The following MIA2 variants were observed in gnomAD, a reference collection of about 807,000 sequenced individuals.
MIA2 encodes the protein melanoma inhibitory activity protein 2.
Under a neutral mutation model 167.8 loss-of-function variants are expected in MIA2, and 127 were observed. The observed-to-expected ratio is 0.76, with a 90% CI of 0.66 to 0.88. The LOEUF is 0.88. MIA2 is among the 40% of genes least tolerant of loss of function. The pLI is 0.00. For synonymous variants in MIA2, 552 were observed against 541.9 expected (o/e 1.02, Z -0.26); for missense variants, 1,690 against 1,624.7 (o/e 1.04, Z -0.69).
chr14:39,295,532 C>T (rs1595207878), intron 13 of MIA2, among the ~76,000 whole-genome samples: 1 of 152,072 alleles, frequency 6.6e-6, no homozygotes, highest in Non-Finnish European at 1.5e-5. Context: ...ATATTACTCA[C>T]ACCAGAGCCA....
intron 4 of MIA2, among the ~76,000 whole-genome samples, chr14:39,248,628 A>T (rs980617822): frequency 6.6e-6 from 1 of 152,036 alleles, no homozygotes; most frequent in Non-Finnish European, 1.5e-5. Flanking sequence ...ATGTCTATTG[A>T]TTTCCTATTC....
At chr14:39,246,247 C>T (rs8023093) in intron 3 of MIA2, among the ~76,000 whole-genome samples, 1,770 of 152,098 alleles carry the variant, frequency 0.012, 39 homozygotes, top group African/African-American at 0.041. Context: ...CAGGCGCCCA[C>T]CACCATGCCT....
rs1450547567 is a variant in MIA2 at position 39,277,694 on chromosome 14, A to ATATATATATATATATATATATGTGTG, written c.2019+651_2019+676dup. 1.9e-3 allele frequency among the ~76,000 whole-genome samples: 15 copies of ATATATATATATATATATATATGTGTG among 7,748 alleles called. 2 individuals are homozygous for ATATATATATATATATATATATGTGTG. Among genetic ancestry groups the ATATATATATATATATATATATGTGTG allele is most frequent in the South Asian group, 0.012 (3 of 258 alleles). 5.1% of individuals were successfully genotyped at this position (7,748 alleles called of 152,430 possible). ...CTTTTATATATATATATATGTGTGT[A>ATATATATATATATATATATATGTGTG]TATATATATATATATATATATGTGT... is the stretch of plus-strand genomic sequence containing the variant. On this transcript the variant is annotated intron_variant, in intron 7 of 28. Coordinates refer to ENST00000640607, the MANE Select transcript of MIA2 (RefSeq NM_001329214.4).
chr14:39,365,630 T>G (rs2415542), intron 23 of MIA2, among the ~76,000 whole-genome samples: 42,330 of 151,636 alleles, frequency 0.28, 7,046 homozygotes, highest in Non-Finnish European at 0.38. Flanking sequence ...CATTCTAGGA[T>G]ACCTGGGTTT....
At chr14:39,262,970 A>T (rs2055197814) in intron 6 of MIA2, among the ~76,000 whole-genome samples, 1 of 152,312 alleles carries the variant, frequency 6.6e-6, no homozygotes, top group Non-Finnish European at 1.5e-5. Flanking sequence ...AACAGGGGCA[A>T]TTTGACTCCC....
chr14:39,282,469 G>T (rs952878547), intron 9 of MIA2, among the ~76,000 whole-genome samples: 1 of 152,044 alleles, frequency 6.6e-6, no homozygotes, highest in Non-Finnish European at 1.5e-5. Flanking sequence ...CCCCTCCAGG[G>T]CAGCTATAAT....
intron 25 of MIA2, among the ~76,000 whole-genome samples, chr14:39,334,776 C>T (rs533773626): frequency 2.0e-5 from 3 of 152,212 alleles, no homozygotes; most frequent in African/African-American, 4.8e-5. Context: ...CCATGTTGGC[C>T]AGGCTTGTCT....
chr14:39,291,996 C>A (rs2060799906), intron 10 of MIA2, among the ~76,000 whole-genome samples: 2 of 152,166 alleles, frequency 1.3e-5, no homozygotes, highest in Non-Finnish European at 2.9e-5. Flanking sequence ...AATCACTGCT[C>A]TCCGTAATCA....
chr14:39,235,547 G>A (rs1860079881), intron 1 of MIA2, among the ~76,000 whole-genome samples: 1 of 152,192 alleles, frequency 6.6e-6, no homozygotes, highest in Non-Finnish European at 1.5e-5. Context: ...AGAGACTGAG[G>A]TGGGAGGATC....
intron 23 of MIA2, among the ~76,000 whole-genome samples, chr14:39,365,812 T>C (rs1045521427): frequency 6.6e-6 from 1 of 152,210 alleles, no homozygotes; most frequent in Non-Finnish European, 1.5e-5. Flanking sequence ...TTCTCCAGCA[T>C]CTTATAAATT....
At chr14:39,288,469 A>ATTT (rs1289953072) in intron 9 of MIA2, among the ~76,000 whole-genome samples, 39 of 52,696 alleles carry the variant, frequency 7.4e-4, no homozygotes, top group Middle Eastern at 0.015. Context: ...ATATATATAT[A>ATTT]TATATATTTT....
At chr14:39,296,029 T>C (rs1264849868) in intron 13 of MIA2, among the ~76,000 whole-genome samples, 1 of 152,204 alleles carries the variant, frequency 6.6e-6, no homozygotes, top group Non-Finnish European at 1.5e-5. Flanking sequence ...ATTTTTTTTT[T>C]CTTGAAGCAG....
chr14:39,349,969 C>G lies in MIA2; in HGVS notation c.4073-129C>G, dbSNP rs536632850. Reference sequence around the variant, plus strand: ...CAATGTAAAAATTAATTTGTTAGATCAAGTAATTATCTAGTGTCAATTTTC... The same window carrying G: ...CAATGTAAAAATTAATTTGTTAGATGAAGTAATTATCTAGTGTCAATTTTC... On this transcript the variant is annotated intron_variant, in intron 28 of 28. Transcript: ENST00000640607. 7 of 450,674 alleles carry G rather than the reference C, an allele frequency of 1.6e-5. No homozygotes were observed. The South Asian group carries it at 4.9e-4, about 31-fold the overall frequency. 27.9% of individuals were successfully genotyped at this position (450,674 alleles called of 1,614,324 possible).
chr14:39,285,038 A>G (rs1406481060), intron 9 of MIA2, among the ~76,000 whole-genome samples: 2 of 152,222 alleles, frequency 1.3e-5, no homozygotes, highest in Non-Finnish European at 2.9e-5. Context: ...GAGTGGACAC[A>G]GCACATGTTT....
At chr14:39,269,073 A>ATTTTTTTTTTTTTT in intron 6 of MIA2, 5 of 362,162 alleles carry the variant, frequency 1.4e-5, no homozygotes, top group African/African-American at 3.4e-5. Context: ...TCACCTGCAC[A>ATTTTTTTTTTTTTT]GTTTTTTTTT....
At chr14:39,266,799 C>T in intron 6 of MIA2, 3 of 831,784 alleles carry the variant, frequency 3.6e-6, no homozygotes, top group Non-Finnish European at 4.3e-6. Flanking sequence ...GGAAGGAAAG[C>T]CTTGGGTGTC....
In MIA2 at chr14:39,379,782, C is replaced by G. The variant is rs138595213; in HGVS notation, c.2249-7103C>G. Among the ~76,000 whole-genome samples, 364 of 152,138 alleles carry G rather than the reference C, an allele frequency of 2.4e-3. 1 individual carries two copies. Among genetic ancestry groups the G allele is most frequent in the African/African-American group, 8.4e-3 (348 of 41,498 alleles). ...AGGAGAATTGCTTGATCCTGGGAGG[C>G]AGAGGTTGAAGTAAGCCAAGTCACA... On this transcript the variant is annotated intron_variant, in intron 23 of 23. Transcript: ENST00000341502.
intron 23 of MIA2, among the ~76,000 whole-genome samples, chr14:39,379,420 C>T (rs1019382843): frequency 6.6e-6 from 1 of 152,192 alleles, no homozygotes; most frequent in African/African-American, 2.4e-5. Flanking sequence ...TAATTTAAAA[C>T]CTTAAATCAC....
chr14:39,352,110 C>G (rs114826503), downstream of MIA2, among the ~76,000 whole-genome samples: 1 of 151,490 alleles, frequency 6.6e-6, no homozygotes, highest in Non-Finnish European at 1.5e-5. Flanking sequence ...CTTACTGTTC[C>G]GATGAATTTT....
Sources: gnomAD v4.1 joint callset for allele counts (sites outside exome capture counted in the v4.1 genomes callset) on GRCh38, gnomAD v4.1.1 for gene constraint, MANE v1.5 for transcripts, NCBI Gene and HGNC (gene_info 2026-07-23, HGNC 2026-07-21) for gene names.